Variants in ZNF473 observed in about 807,000 individuals in gnomAD.
ZNF473 encodes zinc finger protein 100 homolog.
In ZNF473, 4 loss-of-function variants were observed where a neutral mutation model predicts 11.1. The observed-to-expected ratio is 0.36, with a 90% CI of 0.18 to 0.82. ZNF473 has a LOEUF of 0.82. Among genes scored for constraint, ZNF473 ranks in the 40% least tolerant of loss-of-function variants. ZNF473 has a pLI of 0.49. For missense variants in ZNF473, 854 were observed against 1,084.0 expected (o/e 0.79, Z 2.98); for synonymous variants, 404 against 390.4 (o/e 1.03, Z -0.41).
chr19:50,034,863 T>C (rs1421796160), intron 2 of ZNF473, among the ~76,000 whole-genome samples: 1 of 152,218 alleles, frequency 6.6e-6, no homozygotes, highest in Admixed American at 6.5e-5. Flanking sequence ...TCAATCCTTT[T>C]ACCAAGAATC....
intron 1 of ZNF473, among the ~76,000 whole-genome samples, chr19:50,028,244 G>A (rs1017240137): frequency 6.6e-6 from 1 of 150,804 alleles, no homozygotes; most frequent in Non-Finnish European, 1.5e-5. Flanking sequence ...CTTGCAGCGA[G>A]CTGAGATCGC....
chr19:50,033,506 A>G (rs1181133757), intron 2 of ZNF473, among the ~76,000 whole-genome samples: 1 of 152,180 alleles, frequency 6.6e-6, no homozygotes, highest in East Asian at 1.9e-4. Context: ...AAGCGGAAAC[A>G]GGATCCCCCT....
chr19:50,041,590 C>A, intron 3 of ZNF473, 140 bp from the exon 4 acceptor site: 1 of 620,582 alleles, frequency 1.6e-6, no homozygotes. Flanking sequence ...CAGAGTCGCC[C>A]AGTGCAGCAC....
chr19:50,040,613 C>G (rs1266969411), intron 3 of ZNF473: 1 of 152,310 alleles, frequency 6.6e-6, no homozygotes, highest in Non-Finnish European at 1.5e-5. Flanking sequence ...AGCAGCAGGG[C>G]CCAGACTCCA....
intron 1 of ZNF473, among the ~76,000 whole-genome samples, chr19:50,028,427 T>C (rs1309987667): frequency 6.6e-6 from 1 of 151,820 alleles, no homozygotes; most frequent in African/African-American, 2.4e-5. Context: ...GTGATCCTCC[T>C]ACCTCAGCCT....
chr19:50,027,348 T>C (rs2077291164), intron 1 of ZNF473, among the ~76,000 whole-genome samples: 1 of 152,154 alleles, frequency 6.6e-6, no homozygotes, highest in Non-Finnish European at 1.5e-5. Flanking sequence ...TAAAGGACCA[T>C]AGATCTGTTG....
At chr19:50,036,498 G>A (rs911232699) in intron 2 of ZNF473, among the ~76,000 whole-genome samples, 2 of 107,652 alleles carry the variant, frequency 1.9e-5, no homozygotes, top group Admixed American at 1.8e-4. Flanking sequence ...TTTTTTTTTT[G>A]CATTTTTAGT....
chr19:50,047,315 T>G lies in ZNF473; in HGVS notation c.*256T>G, dbSNP rs1204694192. 2.5e-5 allele frequency: 10 copies of G among 407,512 alleles called. 1 individual carries two copies. In the South Asian group the frequency reaches 2.6e-4, roughly 11 times the overall value. The allele number at this position is 407,512 out of a possible 1,614,324, so 25.2% of individuals were successfully genotyped here. ...TCTGCCATCTACTACCTAAGTGACC[T>G]TGGGAAGGTCAGAAAAATCTCTCAG... is the stretch of plus-strand genomic sequence containing the variant. On this transcript the variant is annotated 3_prime_UTR_variant, in exon 5 of 5. Coordinates refer to ENST00000270617, the MANE Select transcript of ZNF473 (RefSeq NM_015428.4).
At position 50,028,065 on chromosome 19, in the gene ZNF473, G is replaced by A. The variant is rs554287581; in HGVS notation, c.-192+1943G>A. ...TGTAATCCCAGCACTTTGGAAGGCC[G>A]AGGTGGGTGGATCACGAGGTCAGGA... On this transcript the variant is annotated intron_variant, in intron 1 of 4. Coordinates refer to ENST00000270617, the MANE Select transcript of ZNF473 (RefSeq NM_015428.4). Among the ~76,000 whole-genome samples, 262 of 152,082 alleles carry A rather than the reference G, an allele frequency of 1.7e-3. 2 individuals are homozygous for A. Among genetic ancestry groups the A allele is most frequent in the African/African-American group, 6.1e-3 (254 of 41,554 alleles).
At chr19:50,043,453 A>G (rs1978897132) in intron 4 of ZNF473, 1 of 78,486 alleles carries the variant, frequency 1.3e-5, no homozygotes, top group Non-Finnish European at 2.8e-5. Context: ...AAAAAAATAT[A>G]TATATATATA....
At chr19:50,034,268 C>T (rs1367889730) in intron 2 of ZNF473, among the ~76,000 whole-genome samples, 1 of 152,220 alleles carries the variant, frequency 6.6e-6, no homozygotes, top group East Asian at 1.9e-4. Context: ...TCACCCCCTC[C>T]ATTGCTGCCA....
intron 2 of ZNF473, among the ~76,000 whole-genome samples, chr19:50,032,996 G>T (rs1178249726): frequency 6.6e-6 from 1 of 152,128 alleles, no homozygotes; most frequent in Non-Finnish European, 1.5e-5. Context: ...CCTCATCTCA[G>T]CTTGATCACC....
chr19:50,041,625 G>A lies in ZNF473; in HGVS notation c.137-105G>A, dbSNP rs994070199. ...CCTCGTCCACACACAGGAGCCACGTGCAGGATAAAGCATAGAAAAGTCAGG... is the reference window on the plus strand; with the variant it reads ...CCTCGTCCACACACAGGAGCCACGTACAGGATAAAGCATAGAAAAGTCAGG... On this transcript the variant is annotated intron_variant, in intron 3 of 4. Transcript: ENST00000270617. 5.2e-6 allele frequency: 5 copies of A among 966,686 alleles called. No individual in the cohort carries two copies. The African/African-American group carries it at 6.8e-5, about 13-fold the overall frequency. The allele number at this position is 966,686 out of a possible 1,614,324, so 59.9% of individuals were successfully genotyped here. A position where few individuals can be genotyped will look rare whatever the true frequency, so the allele number is the denominator to read the frequency against.
At chr19:50,034,096 C>T (rs1257585042) in intron 2 of ZNF473, among the ~76,000 whole-genome samples, 4 of 152,208 alleles carry the variant, frequency 2.6e-5, no homozygotes, top group Non-Finnish European at 5.9e-5. Context: ...GTCCTGAAAG[C>T]TGCTTCTCCT....
rs550734272 is a variant in ZNF473, at chr19:50,026,044, C to A, written c.-270C>A. The A allele has an allele frequency of 2.6e-5, 4 of 152,642 alleles. No individual in the cohort carries two copies. Among genetic ancestry groups the A allele is most frequent in the Non-Finnish European group, 5.9e-5 (4 of 68,052 alleles). The allele number at this position is 152,642 out of a possible 1,614,324, so 9.5% of individuals were successfully genotyped here. A position where few individuals can be genotyped will look rare whatever the true frequency, so the allele number is the denominator to read the frequency against. ...CGCACAGGAAGTCGCTGCGAGGAGG[C>A]GCGTGTGCGGGGAGTTGAATCTCCC... On this transcript the variant is annotated 5_prime_UTR_variant, in exon 1 of 5. Coordinates refer to ENST00000270617, the MANE Select transcript of ZNF473 (RefSeq NM_015428.4).
At chr19:50,040,663 T>A (rs1216615968) in intron 3 of ZNF473, 1 of 152,298 alleles carries the variant, frequency 6.6e-6, no homozygotes, top group Non-Finnish European at 1.5e-5. Context: ...TCACCCCAGC[T>A]CCCCATCAGT....
chr19:50,036,537 G>A (rs563742386), intron 2 of ZNF473, among the ~76,000 whole-genome samples: 1 of 150,322 alleles, frequency 6.7e-6, no homozygotes, highest in Non-Finnish European at 1.5e-5. Context: ...TGTTAGCCAG[G>A]ATGGTGTCGA....
intron 2 of ZNF473, among the ~76,000 whole-genome samples, chr19:50,036,733 C>T (rs1978469013): frequency 6.6e-6 from 1 of 152,046 alleles, no homozygotes; most frequent in South Asian, 2.1e-4. Context: ...GTTGTAAAAG[C>T]CAGCTTGACA....
intron 1 of ZNF473, among the ~76,000 whole-genome samples, chr19:50,029,706 A>G (rs1008283666): frequency 1.3e-5 from 2 of 152,366 alleles, no homozygotes; most frequent in South Asian, 2.1e-4. Flanking sequence ...GAAAATAACT[A>G]GGTGGGCAGT....
Sources: allele counts gnomAD v4.1 joint callset (sites outside exome capture counted in the v4.1 genomes callset), GRCh38; gene constraint gnomAD v4.1.1; transcripts MANE v1.5; gene names NCBI Gene and HGNC (gene_info 2026-07-23, HGNC 2026-07-21).